Variants in SRSF4 observed in about 807,000 individuals in gnomAD.
SRSF4 encodes the protein serine and arginine rich splicing factor 4, also known as serine/arginine-rich splicing factor 4.
SRSF4 carries 12 observed loss-of-function variants against 48.8 expected under a neutral mutation model. That is an observed-to-expected ratio of 0.25 (90% CI 0.16 to 0.40). The LOEUF is 0.40. Among genes scored for constraint, SRSF4 ranks in the 10% least tolerant of loss-of-function variants. SRSF4 has a pLI of 1.00. For synonymous variants in SRSF4, 248 were observed against 232.5 expected (o/e 1.07, Z -0.61); for missense variants, 466 against 667.1 (o/e 0.70, Z 3.32).
In SRSF4 at chr1:29,154,766, T is replaced by C; in HGVS notation, c.508A>G (p.Ile170Val). 1 of 1,614,170 alleles carries C rather than the reference T, an allele frequency of 6.2e-7. No homozygotes were observed. The highest frequency in any genetic ancestry group is 1.1e-5 in the South Asian group (1 of 91,082). ...CCTGGCTTGTCTTCAACTAATCTGA[T>C]TTTTCTCCCATTGACTTCAGTTCCA... ...LDGTEVNGRK[I>V]RLVEDKPGSR... The change falls in exon 4 of 6, where the codon ATC (isoleucine) becomes GTC (valine). Residue 170 changes from isoleucine (I) to valine (V), a missense_variant. Around this residue, in one of 2 missense-constraint regions of SRSF4, gnomAD observed 64 missense variants for 230.2 expected, o/e 0.28. Coordinates refer to ENST00000373795, the MANE Select transcript of SRSF4 (RefSeq NM_005626.5).
intron 1 of SRSF4, among the ~76,000 whole-genome samples, chr1:29,181,436 G>A (rs1461304767): frequency 6.6e-6 from 1 of 152,128 alleles, no homozygotes. Flanking sequence ...CCTCAGCACA[G>A]CTCCCATTAT....
Position 29,148,709 on chromosome 1 carries a change from T to G in SRSF4, c.1186A>C (p.Lys396Gln), listed in dbSNP as rs138237342. 2 of 1,583,796 alleles carry G rather than the reference T, an allele frequency of 1.3e-6. No homozygotes were observed. The highest frequency in any genetic ancestry group is 1.7e-6 in the Non-Finnish European group (2 of 1,161,100). The stretch of plus-strand genomic sequence containing the variant: ...GACTGGGAGCGGTCAGTGTCTTCCT[T>G]CTTCTTCTTCTTGCTGCTGCCCGCC... ...SKAGSSKKKK[K>Q]EDTDRSQSRS... Residue 396 changes from lysine to glutamine, a missense_variant, in exon 6 of 6, where the codon AAG (lysine) becomes CAG (glutamine). Physicochemically the swap from Lys to Gln is moderately conservative, Grantham distance 53. This residue lies in a region of SRSF4 where 402 missense variants were observed against 437.0 expected (regional missense o/e 0.92). Coordinates refer to ENST00000373795, the MANE Select transcript of SRSF4 (RefSeq NM_005626.5).
rs549232068 is a variant in SRSF4 at position 29,178,001 on chromosome 1, G to C, written c.107+3645C>G. On this transcript the variant is annotated intron_variant, in intron 1 of 5. Coordinates refer to ENST00000373795, the MANE Select transcript of SRSF4 (RefSeq NM_005626.5). ...TGCAACCTCCACCTCCCAGGTTCAA[G>C]CAATTCTCCTGCCTTAGCCTCTAGA... 1.5e-4 allele frequency among the ~76,000 whole-genome samples: 22 copies of C among 144,058 alleles called. No homozygotes were observed. The East Asian group carries it at 4.6e-3, about 30-fold the overall frequency. The allele number at this position is 144,058 out of a possible 152,430, so 94.5% of individuals were successfully genotyped here.
At chr1:29,156,233 A>C (rs1016963869) in intron 3 of SRSF4, among the ~76,000 whole-genome samples, 14 of 151,972 alleles carry the variant, frequency 9.2e-5, no homozygotes, top group African/African-American at 3.1e-4. Context: ...AGGCGCTTGT[A>C]ACCCCAGCTA....
At chr1:29,158,367 G>T (rs1672533323) in intron 3 of SRSF4, among the ~76,000 whole-genome samples, 1 of 151,972 alleles carries the variant, frequency 6.6e-6, no homozygotes, top group Admixed American at 6.6e-5. Flanking sequence ...AATGCTGCAG[G>T]AAACACTGAT....
intron 1 of SRSF4, among the ~76,000 whole-genome samples, chr1:29,163,595 TAAGACAG>T (rs1672629419): frequency 2.0e-5 from 3 of 152,292 alleles, no homozygotes; most frequent in African/African-American, 7.2e-5. Flanking sequence ...AGAAATAAAT[TAAGACAG>T]AAGACTAGAT....
intron 1 of SRSF4, among the ~76,000 whole-genome samples, chr1:29,160,727 T>C (rs772316265): frequency 6.6e-6 from 1 of 152,208 alleles, no homozygotes; most frequent in Non-Finnish European, 1.5e-5. Context: ...AGTAGACTCC[T>C]ATCTTTCTAG....
chr1:29,181,300 C>A (rs1206649533), intron 1 of SRSF4, among the ~76,000 whole-genome samples: 1 of 152,232 alleles, frequency 6.6e-6, no homozygotes, highest in African/African-American at 2.4e-5. Flanking sequence ...TACCCAGAAA[C>A]GAATAGGGCC....
chr1:29,149,175 G>A lies in SRSF4; in HGVS notation c.720C>T (p.Ser240=). 1.9e-6 allele frequency: 3 copies of A among 1,611,666 alleles called. No homozygotes were observed. The highest frequency in any genetic ancestry group is 2.5e-6 in the Non-Finnish European group (3 of 1,179,974). ...SKSRSRSQSR[S]RSKKEKSRSP... ...TCCTGCTTTTCTCTTTCTTGCTCCGGCTCCGACTCTGGCTCCGGCTCCGGC... is the reference window on the plus strand; with the variant it reads ...TCCTGCTTTTCTCTTTCTTGCTCCGACTCCGACTCTGGCTCCGGCTCCGGC... Residue 240 remains serine (S), a synonymous_variant, in exon 6 of 6, where the codon AGC becomes AGT. Transcript: ENST00000373795.
At chr1:29,159,154 T>A (rs144657070) in intron 3 of SRSF4, among the ~76,000 whole-genome samples, 2 of 115,982 alleles carry the variant, frequency 1.7e-5, no homozygotes, top group Non-Finnish European at 4.0e-5. Context: ...CAAACCAAAC[T>A]CACAAATGTG....
intron 1 of SRSF4, among the ~76,000 whole-genome samples, chr1:29,181,128 A>G (rs1475499829): frequency 6.6e-6 from 1 of 152,230 alleles, no homozygotes; most frequent in African/African-American, 2.4e-5. Flanking sequence ...CTCCCGCCCA[A>G]AAAAGCGTGG....
intron 1 of SRSF4, among the ~76,000 whole-genome samples, chr1:29,161,963 T>C (rs1485566676): frequency 6.6e-6 from 1 of 152,208 alleles, no homozygotes; most frequent in Non-Finnish European, 1.5e-5. Flanking sequence ...AATTGTGGAA[T>C]TTTTCCTTTA....
chr1:29,177,893 ATTTTTTTTTT>A (rs397979781), intron 1 of SRSF4, among the ~76,000 whole-genome samples: 2 of 93,636 alleles, frequency 2.1e-5, no homozygotes, highest in Non-Finnish European at 4.1e-5. Context: ...ATTACACAAG[ATTTTTTTTTT>A]TTTTTTTTTT....
intron 2 of SRSF4, 183 bp downstream of exon 2, chr1:29,160,192 G>C (rs781046572): frequency 2.7e-5 from 17 of 632,930 alleles, no homozygotes; most frequent in Non-Finnish European, 3.7e-5. Context: ...ATTGTCATTA[G>C]TTTAATTAAA....
chr1:29,173,691 C>T (rs1210128999), intron 1 of SRSF4, among the ~76,000 whole-genome samples: 2 of 149,482 alleles, frequency 1.3e-5, no homozygotes, highest in Admixed American at 6.7e-5. Context: ...TCAAGTGATC[C>T]GCCCACCTCA....
chr1:29,149,671 ACT>A (rs1456181993), intron 5 of SRSF4, among the ~76,000 whole-genome samples: 4 of 140,646 alleles, frequency 2.8e-5, no homozygotes, highest in East Asian at 2.0e-4. Flanking sequence ...ACAGAGCGAG[ACT>A]CTGTCTTGAG....
chr1:29,150,861 T>G (rs1479121762), intron 4 of SRSF4, among the ~76,000 whole-genome samples: 1 of 152,220 alleles, frequency 6.6e-6, no homozygotes, highest in Admixed American at 6.5e-5. Context: ...ATCTTCGGTC[T>G]TTCTACCTCT....
At chr1:29,173,054 C>CT (rs1435004497) in intron 1 of SRSF4, 1 of 150,120 alleles carries the variant, frequency 6.7e-6, no homozygotes, top group Non-Finnish European at 1.5e-5. Flanking sequence ...CTTAATGATA[C>CT]TTTTCACTTT....
intron 4 of SRSF4, among the ~76,000 whole-genome samples, chr1:29,153,749 C>G (rs527476436): frequency 6.6e-4 from 100 of 152,078 alleles, no homozygotes; most frequent in African/African-American, 2.3e-3. Context: ...CAGGCATGCA[C>G]CACCAACGCC....
Sources: gnomAD v4.1 joint callset for allele counts (sites outside exome capture counted in the v4.1 genomes callset) on GRCh38, gnomAD v4.1.1 for gene constraint, gnomAD v4.1.1 regional missense constraint, MANE v1.5 for transcripts, NCBI Gene and HGNC (gene_info 2026-07-23, HGNC 2026-07-21) for gene names.